PDGFD: variants seen among roughly 807,000 people sequenced by gnomAD.
PDGFD encodes platelet derived growth factor D.
A neutral mutation model predicts 44.7 loss-of-function variants in PDGFD; 30 were observed. The observed-to-expected ratio is 0.67, with a 90% confidence interval of 0.50 to 0.91. The LOEUF is 0.91. Ranked by LOEUF, PDGFD falls within the 40% of genes least tolerant of loss-of-function variation. The pLI, the probability that PDGFD is intolerant of heterozygous loss-of-function variation, is 0.00. For missense variants in PDGFD, 445 were observed against 457.8 expected (o/e 0.97, Z 0.25); for synonymous variants, 173 against 168.4 (o/e 1.03, Z -0.21).
At chr11:103,973,305 ATT>A (rs35172142) in intron 3 of PDGFD, among the ~76,000 whole-genome samples, 57 of 144,290 alleles carry the variant, frequency 4.0e-4, no homozygotes, top group African/African-American at 1.0e-3. Flanking sequence ...TGCCCGGCCA[ATT>A]TTTTTTTTTT....
At chr11:104,161,644 A>G (rs1173378247) in intron 1 of PDGFD, among the ~76,000 whole-genome samples, 6 of 152,162 alleles carry the variant, frequency 3.9e-5, no homozygotes, top group Admixed American at 1.3e-4. Context: ...ATGTATATCT[A>G]TTTATATCTG....
intron 5 of PDGFD, among the ~76,000 whole-genome samples, chr11:103,931,819 C>A (rs1858403964): frequency 6.6e-6 from 1 of 152,160 alleles, no homozygotes; most frequent in Admixed American, 6.6e-5. Flanking sequence ...ATTGTTGTTA[C>A]AAGGTCTAGC....
At chr11:103,931,231 A>C (rs1565287572) in intron 5 of PDGFD, among the ~76,000 whole-genome samples, 1 of 152,252 alleles carries the variant, frequency 6.6e-6, no homozygotes, top group Non-Finnish European at 1.5e-5. Context: ...GGTGGACAGA[A>C]GTCCAAAATG....
At chr11:104,058,422 A>G (rs1325062778) in intron 1 of PDGFD, among the ~76,000 whole-genome samples, 2 of 152,200 alleles carry the variant, frequency 1.3e-5, no homozygotes, top group Non-Finnish European at 1.5e-5. Context: ...CATTAGGAAA[A>G]AGCAAATCAA....
chr11:104,135,514 T>C (rs1232408816), intron 1 of PDGFD, among the ~76,000 whole-genome samples: 2 of 152,112 alleles, frequency 1.3e-5, no homozygotes, highest in East Asian at 1.9e-4. Context: ...AGGTATAAGT[T>C]TGTGGAAAGA....
Position 104,041,773 on chromosome 11 carries a change from T to C in PDGFD, c.125-41518A>G, listed in dbSNP as rs1220254536. Among the ~76,000 whole-genome samples, 4 of 152,194 alleles carry C rather than the reference T, an allele frequency of 2.6e-5. No individual in the cohort carries two copies. In the South Asian group the frequency reaches 6.2e-4, roughly 24 times the overall value. Reference sequence around the variant, plus strand: ...TAATCTTAACCTCTTTCTTAAAATATTGGGTCATAAAAATTTTCTTGTTTC... The same window carrying C: ...TAATCTTAACCTCTTTCTTAAAATACTGGGTCATAAAAATTTTCTTGTTTC... On this transcript the variant is annotated intron_variant, in intron 1 of 6. Transcript: ENST00000393158.
rs574154732 is a variant in PDGFD, at chr11:103,984,986, T to C, written c.510+11079A>G. Among the ~76,000 whole-genome samples, 28 of 106,906 alleles carry C rather than the reference T, an allele frequency of 2.6e-4. 2 individuals are homozygous for C. The highest frequency in any genetic ancestry group is 4.5e-4 in the Non-Finnish European group (24 of 53,696). 70.1% of individuals were successfully genotyped at this position (106,906 alleles called of 152,430 possible). A position where few individuals can be genotyped will look rare whatever the true frequency, so the allele number is the denominator to read the frequency against. ...AGTTATATTTATTTAATATATAACA[T>C]ATTAATTTAATATGTTATATTTATG... On this transcript the variant is annotated intron_variant, in intron 3 of 6. Coordinates refer to ENST00000393158, the MANE Select transcript of PDGFD (RefSeq NM_025208.5).
At chr11:103,981,810 C>G (rs1859276841) in intron 3 of PDGFD, among the ~76,000 whole-genome samples, 1 of 151,762 alleles carries the variant, frequency 6.6e-6, no homozygotes, top group Non-Finnish European at 1.5e-5. Flanking sequence ...TATTAAGAAG[C>G]CCTAAGTCTT....
chr11:104,163,355 AAAAT>A (rs1461743660), intron 1 of PDGFD, among the ~76,000 whole-genome samples: 2 of 152,108 alleles, frequency 1.3e-5, no homozygotes. Flanking sequence ...CTCACTCGTA[AAAAT>A]AAATAAATAA....
chr11:104,028,350 C>G (rs1860077119), intron 1 of PDGFD, among the ~76,000 whole-genome samples: 2 of 151,838 alleles, frequency 1.3e-5, no homozygotes, highest in Admixed American at 1.3e-4. Flanking sequence ...CTGAGGCTAA[C>G]TGCTAGATAA....
chr11:103,941,868 C>T (rs1858589805), intron 5 of PDGFD, among the ~76,000 whole-genome samples: 1 of 152,034 alleles, frequency 6.6e-6, no homozygotes, highest in Non-Finnish European at 1.5e-5. Context: ...CTGGGGTTTT[C>T]AAAATATGTG....
intron 1 of PDGFD, among the ~76,000 whole-genome samples, chr11:104,083,356 C>G (rs1259794632): frequency 6.6e-6 from 1 of 152,112 alleles, no homozygotes; most frequent in Non-Finnish European, 1.5e-5. Context: ...GTTTAAAGAA[C>G]CCGGCTTATA....
chr11:103,945,194 T>C (rs1371898060), intron 4 of PDGFD, among the ~76,000 whole-genome samples: 2 of 152,122 alleles, frequency 1.3e-5, no homozygotes, highest in South Asian at 4.1e-4. Context: ...TACAGTCATA[T>C]TGTTGATATT....
At chr11:104,064,482 A>C (rs1303662213) in intron 1 of PDGFD, among the ~76,000 whole-genome samples, 1 of 152,252 alleles carries the variant, frequency 6.6e-6, no homozygotes, top group Non-Finnish European at 1.5e-5. Context: ...ATCAGTTAAA[A>C]TGTTCAAAAG....
intron 3 of PDGFD, among the ~76,000 whole-genome samples, chr11:103,958,984 G>A (rs750888837): frequency 1.4e-4 from 21 of 152,110 alleles, no homozygotes; most frequent in Admixed American, 6.6e-5. Flanking sequence ...AAAAGCCAAA[G>A]CCACAGTCAA....
At chr11:104,090,674 A>G (rs1861200469) in intron 1 of PDGFD, among the ~76,000 whole-genome samples, 1 of 152,024 alleles carries the variant, frequency 6.6e-6, no homozygotes, top group African/African-American at 2.4e-5. Flanking sequence ...CTGTGGAAAA[A>G]TATGCCATTA....
intron 3 of PDGFD, among the ~76,000 whole-genome samples, chr11:103,959,640 A>T (rs1314756581): frequency 6.6e-6 from 1 of 152,212 alleles, no homozygotes; most frequent in Admixed American, 6.5e-5. Context: ...AGTGCCAAGC[A>T]CACAGGTCGT....
At chr11:104,024,425 G>A (rs1860010400) in intron 1 of PDGFD, among the ~76,000 whole-genome samples, 2 of 152,160 alleles carry the variant, frequency 1.3e-5, no homozygotes, top group South Asian at 2.1e-4. Flanking sequence ...TTAAGCTGGT[G>A]TATCTCTAAT....
chr11:104,132,513 C>T (rs1861939461), intron 1 of PDGFD, among the ~76,000 whole-genome samples: 1 of 151,982 alleles, frequency 6.6e-6, no homozygotes, highest in South Asian at 2.1e-4. Context: ...ACAGTGATTT[C>T]TTCCTGGCAT....
Sources: gnomAD v4.1 joint callset for allele counts (sites outside exome capture counted in the v4.1 genomes callset) on GRCh38, gnomAD v4.1.1 for gene constraint, MANE v1.5 for transcripts, NCBI Gene and HGNC (gene_info 2026-07-23, HGNC 2026-07-21) for gene names.